Variants in TJP1 observed in about 807,000 individuals in gnomAD.
TJP1 encodes the protein tight junction protein ZO-1.
TJP1 carries 43 observed loss-of-function variants against 194.2 expected under a neutral mutation model. The observed-to-expected ratio is 0.22, with a 90% confidence interval of 0.17 to 0.29. The LOEUF (loss-of-function observed/expected upper bound fraction) is 0.29. Ranked by LOEUF, TJP1 falls within the 10% of genes least tolerant of loss-of-function variation. The pLI, the probability that TJP1 is intolerant of heterozygous loss-of-function variation, is 1.00. For synonymous variants in TJP1, 801 were observed against 779.0 expected, an observed-to-expected ratio of 1.03 and a Z score of -0.47; for missense variants, 1,971 against 2,185.7, an observed-to-expected ratio of 0.90 and a Z score of 1.96.
At chr15:29,791,631 GACCC>G (rs1478968360) in intron 2 of TJP1, among the ~76,000 whole-genome samples, 1 of 151,314 alleles carries the variant, frequency 6.6e-6, no homozygotes, top group Admixed American at 6.6e-5. Context: ...CTGACTTCAT[GACCC>G]ACCCACCTCG....
At chr15:29,780,657 T>C (rs1415753588) in intron 2 of TJP1, among the ~76,000 whole-genome samples, 8 of 151,974 alleles carry the variant, frequency 5.3e-5, no homozygotes, top group Non-Finnish European at 1.2e-4. Context: ...AAAGTATGCC[T>C]GAAAGAAGGC....
At chr15:29,730,858 G>A (rs908522438) in intron 15 of TJP1, 36 of 1,175,204 alleles carry the variant, frequency 3.1e-5, no homozygotes, top group Non-Finnish European at 4.6e-5. Flanking sequence ...GCAAAGAAGG[G>A]AGAGAAGGTA....
chr15:29,879,868 G>A (rs1473817420), intron 2 of TJP1, among the ~76,000 whole-genome samples: 3 of 152,206 alleles, frequency 2.0e-5, no homozygotes, highest in African/African-American at 4.8e-5. Flanking sequence ...GTGCCACCAA[G>A]CCCAGCTAAT....
chr15:29,902,686 TC>T (rs2053670145), intron 2 of TJP1, among the ~76,000 whole-genome samples: 1 of 152,062 alleles, frequency 6.6e-6, no homozygotes, highest in African/African-American at 2.4e-5. Flanking sequence ...GAAGTGGAAA[TC>T]AACAAGTCAG....
chr15:29,754,197 A>G (rs899749300), intron 8 of TJP1, among the ~76,000 whole-genome samples: 3 of 152,248 alleles, frequency 2.0e-5, no homozygotes, highest in African/African-American at 4.8e-5. Flanking sequence ...CTATGCAGCC[A>G]TAAAAAAGAA....
intron 1 of TJP1, chr15:29,820,598 T>A: frequency 2.8e-6 from 2 of 716,416 alleles, no homozygotes; most frequent in Non-Finnish European, 5.2e-6. Flanking sequence ...GTGTGTTGTC[T>A]TGCATATTAA....
intron 8 of TJP1, among the ~76,000 whole-genome samples, chr15:29,744,036 C>T (rs575098462): frequency 1.4e-4 from 21 of 151,950 alleles, no homozygotes; most frequent in Admixed American, 2.6e-4. Context: ...AAAATTAGCC[C>T]GGCGTGGTGG....
chr15:29,706,093 G>A (rs1443586188), intron 25 of TJP1, among the ~76,000 whole-genome samples: 1 of 152,028 alleles, frequency 6.6e-6, no homozygotes, highest in Non-Finnish European at 1.5e-5. Context: ...CACCAAGCCT[G>A]GCTAATTTTT....
At chr15:29,797,571 C>T (rs1001494874) in intron 2 of TJP1, among the ~76,000 whole-genome samples, 1 of 148,458 alleles carries the variant, frequency 6.7e-6, no homozygotes, top group Non-Finnish European at 1.5e-5. Context: ...GAATCTGTAT[C>T]CTGAATACGT....
At chr15:29,768,053 T>C (rs1268546467) in intron 4 of TJP1, among the ~76,000 whole-genome samples, 2 of 152,224 alleles carry the variant, frequency 1.3e-5, no homozygotes, top group Admixed American at 6.5e-5. Flanking sequence ...GTTATCATCT[T>C]TTCTCTCTTC....
chr15:29,703,056 A>G (rs2041654164), intron 27 of TJP1, among the ~76,000 whole-genome samples: 1 of 152,246 alleles, frequency 6.6e-6, no homozygotes, highest in African/African-American at 2.4e-5. Context: ...AATAGTGTAT[A>G]AAAGAAGTAA....
chr15:29,840,891 G>A (rs1264162781), intron 2 of TJP1, among the ~76,000 whole-genome samples: 9 of 152,188 alleles, frequency 5.9e-5, no homozygotes, highest in Non-Finnish European at 1.3e-4. Context: ...AGGTAGGAGA[G>A]AGAAGCAGAA....
chr15:29,728,199 C>A, intron 15 of TJP1, 180 bp from the exon 16 acceptor site: 1 of 446,232 alleles, frequency 2.2e-6, no homozygotes, highest in Non-Finnish European at 4.0e-6. Flanking sequence ...TTTTTTTTCA[C>A]TATTTTTTCA....
chr15:29,752,557 C>G (rs2045359063), intron 8 of TJP1, among the ~76,000 whole-genome samples: 1 of 152,136 alleles, frequency 6.6e-6, no homozygotes, highest in Non-Finnish European at 1.5e-5. Context: ...GAAACTTAAT[C>G]AACTAAAATC....
chr15:29,849,824 C>T (rs1186043961), intron 2 of TJP1, among the ~76,000 whole-genome samples: 1 of 152,080 alleles, frequency 6.6e-6, no homozygotes, highest in Non-Finnish European at 1.5e-5. Context: ...ATCCACCTAC[C>T]TCGGTCTTCC....
chr15:29,953,766 G>A (rs1420137935), intron 2 of TJP1, among the ~76,000 whole-genome samples: 1 of 152,092 alleles, frequency 6.6e-6, no homozygotes, highest in East Asian at 1.9e-4. Flanking sequence ...AACACAAGTT[G>A]CAAAAAACTC....
At chr15:29,731,220 G>C (rs899068883) in intron 15 of TJP1, among the ~76,000 whole-genome samples, 1 of 151,956 alleles carries the variant, frequency 6.6e-6, no homozygotes, top group Non-Finnish European at 1.5e-5. Context: ...TTCCAGTTTT[G>C]AGAGACTTCC....
Position 29,773,372 on chromosome 15 carries a change from A to C in TJP1, c.85-15T>G, listed in dbSNP as rs754640044. 3.1e-6 allele frequency: 5 copies of C among 1,612,636 alleles called. No individual in the cohort carries two copies. Among genetic ancestry groups the C allele is most frequent in the Non-Finnish European group, 3.4e-6 (4 of 1,178,962 alleles). On this transcript the variant is annotated splice_polypyrimidine_tract_variant and intron_variant, in intron 2 of 27. Transcript: ENST00000614355. ...AATCCAGGAGCCTAAAGTAAAAATT[A>C]CAGTAAAATATTGCTATTAAGGACA...
At chr15:29,773,989 A>G (rs973704916) in intron 2 of TJP1, among the ~76,000 whole-genome samples, 1 of 152,246 alleles carries the variant, frequency 6.6e-6, no homozygotes, top group African/African-American at 2.4e-5. Context: ...ACAATGACTC[A>G]GGACAGGCCG....
Sources: allele counts gnomAD v4.1 joint callset (sites outside exome capture counted in the v4.1 genomes callset), GRCh38; gene constraint gnomAD v4.1.1; transcripts MANE v1.5; gene names NCBI Gene and HGNC (gene_info 2026-07-23, HGNC 2026-07-21).